The following POR variants were observed in gnomAD, a reference collection of about 807,000 sequenced individuals.
POR encodes NADPH--cytochrome P450 reductase.
POR carries 56 observed loss-of-function variants against 84.0 expected under a neutral mutation model. The observed-to-expected ratio is 0.67, with a 90% confidence interval of 0.54 to 0.83. The LOEUF (loss-of-function observed/expected upper bound fraction) is 0.83. Among genes scored for constraint, POR ranks in the 40% least tolerant of loss-of-function variants. The pLI is 0.00. For synonymous variants in POR, 414 were observed against 400.5 expected, an observed-to-expected ratio of 1.03 and a Z score of -0.40; for missense variants, 938 against 944.3, an observed-to-expected ratio of 0.99 and a Z score of 0.09.
At chr7:75,978,355 T>A (rs775751762) in intron 3 of POR, among the ~76,000 whole-genome samples, 41 of 152,212 alleles carry the variant, frequency 2.7e-4, no homozygotes, top group Admixed American at 1.5e-3. Flanking sequence ...CATCTTACTG[T>A]TCCCTAAACA....
At chr7:75,961,775 A>G (rs1177746023) in intron 2 of POR, among the ~76,000 whole-genome samples, 1 of 152,234 alleles carries the variant, frequency 6.6e-6, no homozygotes, top group African/African-American at 2.4e-5. Context: ...GCACTTCGGG[A>G]GGCTGAGGCA....
intron 3 of POR, among the ~76,000 whole-genome samples, chr7:75,975,577 T>C (rs1788644896): frequency 6.6e-6 from 1 of 152,046 alleles, no homozygotes; most frequent in African/African-American, 2.4e-5. Context: ...GAGGCACAGA[T>C]TGCAGTGACC....
In POR at chr7:75,979,553, T is replaced by C. The variant is rs2116581261; in HGVS notation, c.340T>C (p.Ser114Pro). ...CCACCGCTACGGGATGCGAGGCATG[T>C]CAGCGGACCCTGAGGAGTATGACCT... Residue 114 changes from serine (S) to proline (P), a missense_variant, in exon 4 of 16, where the codon TCA (serine) becomes CCA (proline). Coordinates refer to ENST00000461988, the MANE Select transcript of POR (RefSeq NM_000941.3). 6.2e-7 allele frequency: 1 copy of C among 1,613,568 alleles called. No homozygotes were observed. Among genetic ancestry groups the C allele is most frequent in the Non-Finnish European group, 8.5e-7 (1 of 1,179,842 alleles).
chr7:75,980,980 G>GC, intron 5 of POR, 68 bp from the exon 6 acceptor site: 1 of 1,480,204 alleles, frequency 6.8e-7, no homozygotes, highest in South Asian at 1.3e-5. Flanking sequence ...CTCCCGCCCT[G>GC]CCCCCATGGC....
intron 2 of POR, chr7:75,967,913 T>C: frequency 2.6e-6 from 1 of 389,776 alleles, no homozygotes; most frequent in Non-Finnish European, 5.2e-6. Context: ...CGAGAGGACT[T>C]TGGGGTGTCC....
At chr7:75,919,328 C>A (rs1806735532) in intron 1 of POR, among the ~76,000 whole-genome samples, 1 of 151,812 alleles carries the variant, frequency 6.6e-6, no homozygotes, top group African/African-American at 2.4e-5. Context: ...ATGTTTACAT[C>A]AGTTGTGTTC....
At chr7:75,966,190 C>T (rs1238416806) in intron 2 of POR, among the ~76,000 whole-genome samples, 5 of 152,288 alleles carry the variant, frequency 3.3e-5, no homozygotes, top group African/African-American at 7.2e-5. Flanking sequence ...TCATTCCCTT[C>T]GCCTGTTTTG....
Position 75,972,332 on chromosome 7 carries a change from A to G in POR, c.189-81A>G, listed in dbSNP as rs537496995. On this transcript the variant is annotated intron_variant, in intron 2 of 15. Coordinates refer to ENST00000461988, the MANE Select transcript of POR (RefSeq NM_000941.3). ...TGCCACAGCATCCCATGAAACCTGC[A>G]TCTAAGGACACCCACGTCCCGTGAC... The G allele has an allele frequency of 7.1e-4, 912 of 1,282,450 alleles. 2 individuals are homozygous for G. The highest frequency in any genetic ancestry group is 9.4e-4 in the Non-Finnish European group (849 of 899,364). The allele number at this position is 1,282,450 out of a possible 1,614,324, so 79.4% of individuals were successfully genotyped here.
intron 5 of POR, 103 bp downstream of exon 5, chr7:75,980,591 T>C (rs1554557616): frequency 6.2e-7 from 1 of 1,608,214 alleles, no homozygotes; most frequent in Non-Finnish European, 8.5e-7. Flanking sequence ...ACCCCCACCC[T>C]GTCCTCAGCA....
At chr7:75,919,569 ATT>A (rs1554548551) in intron 1 of POR, among the ~76,000 whole-genome samples, 2 of 151,536 alleles carry the variant, frequency 1.3e-5, no homozygotes. Flanking sequence ...TTTATTTATT[ATT>A]TGTAGAAGTG....
At chr7:75,979,743 G>C (rs1788901454) in intron 4 of POR, 164 bp downstream of exon 4, 4 of 947,764 alleles carry the variant, frequency 4.2e-6, no homozygotes, top group Non-Finnish European at 1.5e-6. Flanking sequence ...CCCTGCCCGG[G>C]CTGACTGACG....
Position 75,985,815 on chromosome 7 carries a change from C to T in POR, c.1635C>T (p.Gly545=). 2 of 1,559,142 alleles carry T rather than the reference C, an allele frequency of 1.3e-6. No homozygotes were observed. Among genetic ancestry groups the T allele is most frequent in the Middle Eastern group, 1.7e-4 (1 of 5,944 alleles). The change falls in exon 13 of 16, where the codon GGC becomes GGT. Residue 545 remains glycine (G), a synonymous_variant. Transcript: ENST00000461988. The stretch of plus-strand genomic sequence containing the variant: ...GCACCGGGGTGGCACCCTTCATAGG[C>T]TTCATCCAGGAGCGGGCCTGGCTGC...
In POR at chr7:75,964,500, G is replaced by T. The variant is rs1222118472; in HGVS notation, c.189-7913G>T. Among the ~76,000 whole-genome samples the T allele has an allele frequency of 6.6e-5, 10 of 151,950 alleles. No individual in the cohort carries two copies. The East Asian group carries it at 7.7e-4, about 12-fold the overall frequency. On this transcript the variant is annotated intron_variant, in intron 2 of 15. Coordinates refer to ENST00000461988, the MANE Select transcript of POR (RefSeq NM_000941.3). ...TTTTTGTATTTTTAGTAGAGACGGGGTTTCACCATATTGGCCAGGCTGATC... is the reference window on the plus strand; with the variant it reads ...TTTTTGTATTTTTAGTAGAGACGGGTTTTCACCATATTGGCCAGGCTGATC...
chr7:75,986,332 CCCAGGGATGCACGGAACATGG>C lies in POR; in HGVS notation c.1904_1924del (p.Ala635_Asp641del). 4.3e-6 allele frequency: 7 copies of C among 1,612,448 alleles called. No individual in the cohort carries two copies. Among genetic ancestry groups the C allele is most frequent in the East Asian group, 2.2e-5 (1 of 44,876 alleles). ...CAGCCCCCAGCACCCCCTCTTCCTG[CCCAGGGATGCACGGAACATGG>C]CCAGGGATGTGCAGAACACCTTCTA... On this transcript the variant is annotated splice_acceptor_variant and splice_polypyrimidine_tract_variant and coding_sequence_variant and intron_variant, in exon 16 of 16. Transcript: ENST00000461988. LOFTEE classifies it high-confidence loss of function.
intron 12 of POR, 143 bp downstream of exon 12, chr7:75,985,350 C>A: frequency 8.2e-7 from 1 of 1,216,506 alleles, no homozygotes; most frequent in Non-Finnish European, 1.1e-6. Flanking sequence ...AATGCCTCCC[C>A]AGGCTGTGGA....
chr7:75,986,103 AG>A (rs1346629012), intron 14 of POR, 35 bp downstream of exon 14: 1 of 1,576,600 alleles, frequency 6.3e-7, no homozygotes, highest in African/African-American at 1.4e-5. Flanking sequence ...GGTGGGCATG[AG>A]GCTGGCAGGG....
Position 75,985,768 on chromosome 7 carries a change from C to T in POR, c.1588C>T (p.Pro530Ser), listed in dbSNP as rs375387233. The change falls in exon 13 of 16, where the codon CCT becomes TCT. Residue 530 changes from proline (P) to serine (S), a missense_variant. Physicochemically the swap from Pro to Ser is moderately conservative, Grantham distance 74. Transcript: ENST00000461988. ...CCGCCTGCCCTTCAAGGCCACCACG[C>T]CTGTCATCATGGTGGGCCCCGGCAC... 67 of 1,578,928 alleles carry T rather than the reference C, an allele frequency of 4.2e-5. No homozygotes were observed. The highest frequency in any genetic ancestry group is 5.4e-5 in the Non-Finnish European group (63 of 1,163,658).
Position 75,982,304 on chromosome 7 carries a change from G to A in POR, c.812G>A (p.Ser271Asn), listed in dbSNP as rs782503756. 11 of 1,611,974 alleles carry A rather than the reference G, an allele frequency of 6.8e-6. No individual in the cohort carries two copies. In the African/African-American group the frequency reaches 8.0e-5, roughly 12 times the overall value. ...ATGGGGGAGATGGGCCGGCTGAAGAGCTACGAGAACCAGAAGCCGTGAGTG... is the reference window on the plus strand; with the variant it reads ...ATGGGGGAGATGGGCCGGCTGAAGAACTACGAGAACCAGAAGCCGTGAGTG... The change falls in exon 8 of 16, where the codon AGC (serine) becomes AAC (asparagine). Residue 271 changes from serine to asparagine, a missense_variant. By Grantham distance (46) the Ser-to-Asn change is conservative. Transcript: ENST00000461988.
At chr7:75,919,649 C>T (rs1391509823) in intron 1 of POR, among the ~76,000 whole-genome samples, 2 of 152,140 alleles carry the variant, frequency 1.3e-5, no homozygotes, top group Admixed American at 6.6e-5. Context: ...ATCTCAGCCT[C>T]CCAAAACGCT....
Sources: gnomAD v4.1 joint callset for allele counts (sites outside exome capture counted in the v4.1 genomes callset) on GRCh38, gnomAD v4.1.1 for gene constraint, MANE v1.5 for transcripts, NCBI Gene and HGNC (gene_info 2026-07-23, HGNC 2026-07-21) for gene names.